The following ATP1A2 variants were observed in gnomAD, a reference collection of about 807,000 sequenced individuals.
ATP1A2 encodes the protein ATPase Na+/K+ transporting subunit alpha 2.
In ATP1A2, 56 loss-of-function variants were observed where a neutral mutation model predicts 113.1. The observed-to-expected ratio is 0.49, with a 90% confidence interval of 0.40 to 0.62. The LOEUF (loss-of-function observed/expected upper bound fraction) is 0.62, where lower values mean the gene tolerates loss of function less well. ATP1A2 is among the 20% of genes least tolerant of loss of function. The probability of loss-of-function intolerance (pLI) is 0.00; values close to 1 mark genes in which losing one functional copy is unlikely to be tolerated. For missense variants in ATP1A2, 712 were observed against 1,357.8 expected (o/e 0.52, Z 7.47); for synonymous variants, 490 against 526.8 (o/e 0.93, Z 0.96).
intron 8 of ATP1A2, chr1:160,128,259 G>T (rs1034727824): frequency 3.3e-5 from 14 of 426,958 alleles, no homozygotes; most frequent in Non-Finnish European, 4.8e-5. Flanking sequence ...ATCCTGGTTC[G>T]CCTCTCCTCT....
rs1201284810 is a variant in ATP1A2, at chr1:160,136,795, G to A, written c.2709+80G>A. 1.1e-5 allele frequency: 18 copies of A among 1,613,860 alleles called. No homozygotes were observed. In the Admixed American group the frequency reaches 2.8e-4, roughly 25 times the overall value. ...TGCCTGGCAGGAGTGGCCAGTGGTG[G>A]CCAACTGGGACTGGGGCTAGGGGTG... On this transcript the variant is annotated intron_variant, in intron 19 of 22. Transcript: ENST00000361216.
chr1:160,118,534 C>T (rs1283255253), intron 1 of ATP1A2, among the ~76,000 whole-genome samples: 1 of 152,192 alleles, frequency 6.6e-6, no homozygotes, highest in Non-Finnish European at 1.5e-5. Context: ...GAACCACTCA[C>T]AAGCCTTTCC....
chr1:160,129,126 G>A (rs375905731), intron 10 of ATP1A2, 37 bp downstream of exon 10: 2 of 1,512,478 alleles, frequency 1.3e-6, no homozygotes, highest in East Asian at 2.4e-5. Context: ...ATGTTTTGGG[G>A]GTGTCTCCAA....
chr1:160,120,182 C>A (rs1651345849), intron 1 of ATP1A2, among the ~76,000 whole-genome samples: 1 of 152,188 alleles, frequency 6.6e-6, no homozygotes, highest in Admixed American at 6.5e-5. Flanking sequence ...CTTTGGGGGT[C>A]CAGTCCTGTG....
At chr1:160,129,998 G>C in intron 11 of ATP1A2, 104 bp from the exon 12 acceptor site, 1 of 1,403,964 alleles carries the variant, frequency 7.1e-7, no homozygotes, top group South Asian at 1.2e-5. Context: ...ATCTTTGATG[G>C]GTTGGGGCTA....
chr1:160,121,245 G>C lies in ATP1A2; in HGVS notation c.171G>C (p.Leu57=), dbSNP rs1651388179. 10 of 1,614,118 alleles carry C rather than the reference G, an allele frequency of 6.2e-6. No individual in the cohort carries two copies. Among genetic ancestry groups the C allele is most frequent in the East Asian group, 2.2e-5 (1 of 44,902 alleles). Residue 57 remains leucine, a synonymous_variant, in exon 3 of 23, where the codon CTG becomes CTC. Transcript: ENST00000361216. ...TGGGCCGCAAATACCAAGTGGACCT[G>C]TCCAAGGTGAGTGGAGGGGCTTCTA... ...DELGRKYQVD[L]SKGLTNQRAQ...
chr1:160,127,097 C>A (rs1258982172), intron 7 of ATP1A2, among the ~76,000 whole-genome samples: 1 of 152,136 alleles, frequency 6.6e-6, no homozygotes, highest in East Asian at 1.9e-4. Flanking sequence ...TGTAATGTCA[C>A]ACAAGGGTTA....
At chr1:160,141,240 T>A in intron 22 of ATP1A2, 54 bp from the exon 23 acceptor site, 1 of 1,610,800 alleles carries the variant, frequency 6.2e-7, no homozygotes. Flanking sequence ...GAAATTGATC[T>A]CTTGCCTCCT....
rs779868172 is a variant in ATP1A2 at position 160,120,984 on chromosome 1, G to A, written c.91G>A (p.Asp31Asn). ...GAAGAAACAGAAGGAGAAGGAACTG[G>A]ATGAGCTGAAGAAGGAGGTGGCAAT... The part of the protein sequence containing the change: ...GKKKQKEKEL[D>N]ELKKEVAMDD... The change falls in exon 2 of 23, where the codon GAT becomes AAT. Residue 31 changes from aspartate to asparagine, a missense_variant. Coordinates refer to ENST00000361216, the MANE Select transcript of ATP1A2 (RefSeq NM_000702.4). The A allele has an allele frequency of 1.4e-5, 23 of 1,613,894 alleles. No individual in the cohort carries two copies. In the South Asian group the frequency reaches 2.5e-4, roughly 18 times the overall value.
chr1:160,130,371 G>A (rs368284641), intron 12 of ATP1A2, 51 bp from the exon 13 acceptor site: 118 of 1,613,908 alleles, frequency 7.3e-5, no homozygotes, highest in Middle Eastern at 3.3e-4. Flanking sequence ...CTGTGGGGGC[G>A]TCCAGGAAGC....
chr1:160,140,536 T>G (rs2753263), intron 22 of ATP1A2: 130,695 of 167,338 alleles, frequency 0.78, 51,630 homozygotes, highest in Non-Finnish European at 0.85. Context: ...GGGAGGAGGG[T>G]GGATTAATTG....
chr1:160,127,479 C>A lies in ATP1A2; in HGVS notation c.749-73C>A. The A allele has an allele frequency of 1.9e-6, 3 of 1,604,104 alleles. No individual in the cohort carries two copies. The South Asian group carries it at 3.3e-5, about 18-fold the overall frequency. On this transcript the variant is annotated intron_variant, in intron 7 of 22. Coordinates refer to ENST00000361216, the MANE Select transcript of ATP1A2 (RefSeq NM_000702.4). Reference sequence around the variant, plus strand: ...ACCTATCCTGTGATGATTTTCCTTGCTCAGGAAATAGGATGGGACTGCAGT... The same window carrying A: ...ACCTATCCTGTGATGATTTTCCTTGATCAGGAAATAGGATGGGACTGCAGT...
At position 160,125,520 on chromosome 1, in the gene ATP1A2, A is replaced by AGGTAT. The variant is rs1651560637; in HGVS notation, c.748+268_748+272dup. On this transcript the variant is annotated intron_variant, in intron 7 of 22. Transcript: ENST00000361216. ...AGACTGAGTGGATTTCAAAGCTTTC[A>AGGTAT]GGTATTGGGTTAAGAACCCCTTACG... is the stretch of plus-strand genomic sequence containing the variant. 1.6e-5 allele frequency: 8 copies of AGGTAT among 498,188 alleles called. No individual in the cohort carries two copies. In the South Asian group the frequency reaches 1.7e-4, roughly 10 times the overall value. The allele number at this position is 498,188 out of a possible 1,614,324, so 30.9% of individuals were successfully genotyped here.
intron 13 of ATP1A2, among the ~76,000 whole-genome samples, chr1:160,134,086 CAT>C (rs1051131717): frequency 8.2e-5 from 12 of 145,938 alleles, no homozygotes; most frequent in African/African-American, 2.5e-4. Flanking sequence ...CCCACACACA[CAT>C]CTCACACACA....
At position 160,129,207 on chromosome 1, in the gene ATP1A2, C is replaced by T; in HGVS notation, c.1327-59C>T. 25 of 1,613,294 alleles carry T rather than the reference C, an allele frequency of 1.5e-5. No homozygotes were observed. In the South Asian group the frequency reaches 2.6e-4, roughly 17 times the overall value. On this transcript the variant is annotated intron_variant, in intron 10 of 22. Coordinates refer to ENST00000361216, the MANE Select transcript of ATP1A2 (RefSeq NM_000702.4). ...CTTGGGGGTTTCAGTGCCGCCTTCACCTGATCCTCCACTCCCTTCCCTCCC... is the reference window on the plus strand; with the variant it reads ...CTTGGGGGTTTCAGTGCCGCCTTCATCTGATCCTCCACTCCCTTCCCTCCC...
At chr1:160,128,340 G>A (rs923763845) in intron 8 of ATP1A2, 15 of 626,442 alleles carry the variant, frequency 2.4e-5, no homozygotes, top group Non-Finnish European at 3.7e-5. Context: ...CTGAGCAAGA[G>A]CCAATCTCCT....
At position 160,135,453 on chromosome 1, in the gene ATP1A2, C is replaced by T. The variant is rs1651907319; in HGVS notation, c.2135C>T (p.Thr712Met). 1.9e-6 allele frequency: 3 copies of T among 1,614,148 alleles called. No individual in the cohort carries two copies. The highest frequency in any genetic ancestry group is 2.5e-6 in the Non-Finnish European group (3 of 1,180,028). Reference sequence around the variant, plus strand: ...CTCCAGGGAGCCATTGTGGCCGTGACGGGTGACGGGGTGAACGACTCCCCT... The same window carrying T: ...CTCCAGGGAGCCATTGTGGCCGTGATGGGTGACGGGGTGAACGACTCCCCT... ...CQRQGAIVAV[T>M]GDGVNDSPAL... The change falls in exon 16 of 23, where the codon ACG (threonine) becomes ATG (methionine). Residue 712 changes from threonine to methionine, a missense_variant. This residue lies in a region of ATP1A2 where 188 missense variants were observed against 438.9 expected (regional missense o/e 0.43). Transcript: ENST00000361216. The surrounding 1 kb of genome is among the most constrained non-coding windows in gnomAD (Gnocchi z 6.3).
intron 4 of ATP1A2, 43 bp from the exon 5 acceptor site, chr1:160,123,900 T>C (rs377652908): frequency 1.7e-5 from 27 of 1,580,486 alleles, no homozygotes; most frequent in South Asian, 3.3e-5. Context: ...CCCTTTAGGG[T>C]TGGGGGGAAG....
intron 22 of ATP1A2, 26 bp from the exon 23 acceptor site, chr1:160,141,268 A>C (rs781167675): frequency 6.2e-7 from 1 of 1,613,766 alleles, no homozygotes; most frequent in Admixed American, 1.7e-5. Flanking sequence ...TCATGCTGCA[A>C]TCTCCACTCC....
Sources: gnomAD v4.1 joint callset for allele counts (sites outside exome capture counted in the v4.1 genomes callset) on GRCh38, gnomAD v4.1.1 for gene constraint, gnomAD v4.1.1 regional missense constraint, Gnocchi (gnomAD v3.1) non-coding constraint, MANE v1.5 for transcripts, NCBI Gene and HGNC (gene_info 2026-07-23, HGNC 2026-07-21) for gene names.